Variants in PTPRR observed in about 807,000 individuals in gnomAD.
PTPRR encodes receptor-type tyrosine-protein phosphatase R.
Under a neutral mutation model 77.2 loss-of-function variants are expected in PTPRR, and 38 were observed. The observed-to-expected ratio is 0.49, with a 90% confidence interval of 0.38 to 0.65. The LOEUF (loss-of-function observed/expected upper bound fraction) is 0.65, where lower values mean the gene tolerates loss of function less well. PTPRR is among the 30% of genes least tolerant of loss of function. The pLI is 0.00. For synonymous variants in PTPRR, 299 were observed against 283.1 expected (o/e 1.06, Z -0.57); for missense variants, 744 against 799.2 (o/e 0.93, Z 0.83).
chr12:70,698,288 T>C lies in PTPRR; in HGVS notation c.1256A>G (p.Asn419Ser). Reference sequence around the variant, plus strand: ...ACTTGGTAAAATGGTCTTATAGCGATTTTTAGTTCCATGACGCGGAATATC... The same window carrying C: ...ACTTGGTAAAATGGTCTTATAGCGACTTTTAGTTCCATGACGCGGAATATC... ...EIDIPRHGTK[N>S]RYKTILPNPL... The change falls in exon 8 of 14, where the codon AAT becomes AGT. Residue 419 changes from asparagine (N) to serine (S), a missense_variant. Physicochemically the swap from Asn to Ser is conservative, Grantham distance 46 (BLOSUM62 1). This residue lies in a region of PTPRR where 570 missense variants were observed against 573.2 expected (regional missense o/e 0.99). Transcript: ENST00000283228. 1 of 1,612,988 alleles carries C rather than the reference T, an allele frequency of 6.2e-7. No homozygotes were observed. The highest frequency in any genetic ancestry group is 8.5e-7 in the Non-Finnish European group (1 of 1,179,308).
intron 13 of PTPRR, among the ~76,000 whole-genome samples, chr12:70,648,681 C>G (rs1298399796): frequency 1.3e-5 from 2 of 152,156 alleles, no homozygotes; most frequent in East Asian, 3.9e-4. Flanking sequence ...CACCAAGCTC[C>G]TTGACATCTA....
At chr12:70,811,417 A>G (rs1298940666) in intron 2 of PTPRR, among the ~76,000 whole-genome samples, 1 of 152,214 alleles carries the variant, frequency 6.6e-6, no homozygotes, top group Non-Finnish European at 1.5e-5. Context: ...TGCATTTTTA[A>G]GAATGCTTTG....
chr12:70,833,837 T>G lies in PTPRR; in HGVS notation c.357+58842A>C, dbSNP rs550531623. ...TATTGAATACATAAAGAACTTCAAG[T>G]TTTTCTGGGCTGCTCATTCCCTCCC... On this transcript the variant is annotated intron_variant, in intron 2 of 13. Coordinates refer to ENST00000283228, the MANE Select transcript of PTPRR (RefSeq NM_002849.4). Among the ~76,000 whole-genome samples, 37 of 152,192 alleles carry G rather than the reference T, an allele frequency of 2.4e-4. No individual in the cohort carries two copies. The South Asian group carries it at 7.5e-3, about 31-fold the overall frequency.
At chr12:70,727,692 C>T (rs1459244815) in intron 6 of PTPRR, among the ~76,000 whole-genome samples, 1 of 152,118 alleles carries the variant, frequency 6.6e-6, no homozygotes, top group Non-Finnish European at 1.5e-5. Context: ...CTAGCTACAT[C>T]ACTGCACCAA....
intron 12 of PTPRR, among the ~76,000 whole-genome samples, chr12:70,657,067 G>GA (rs1286269451): frequency 2.0e-5 from 3 of 151,892 alleles, no homozygotes; most frequent in Non-Finnish European, 1.5e-5. Context: ...AATTGTTCTA[G>GA]AAAAAATAAA....
chr12:70,662,969 T>C (rs777123420), intron 10 of PTPRR, among the ~76,000 whole-genome samples: 12 of 152,032 alleles, frequency 7.9e-5, no homozygotes, highest in Non-Finnish European at 1.3e-4. Context: ...GATCCAAATA[T>C]TAGAATTTAT....
chr12:70,698,113 A>C (rs1384118769), intron 8 of PTPRR, 152 bp downstream of exon 8: 3 of 484,698 alleles, frequency 6.2e-6, no homozygotes, highest in Non-Finnish European at 7.4e-6. Context: ...ACATGTGCAG[A>C]ATGTGCAGGT....
chr12:70,899,946 T>C (rs1266876977), intron 1 of PTPRR, among the ~76,000 whole-genome samples: 1 of 151,342 alleles, frequency 6.6e-6, no homozygotes, highest in Non-Finnish European at 1.5e-5. Flanking sequence ...AAAAATAAAA[T>C]ACTTAGGTAT....
intron 2 of PTPRR, among the ~76,000 whole-genome samples, chr12:70,834,117 G>A (rs1892262238): frequency 6.6e-6 from 1 of 152,274 alleles, no homozygotes; most frequent in South Asian, 2.1e-4. Flanking sequence ...CACCTTTGCT[G>A]TTATTATGGG....
Position 70,881,114 on chromosome 12 carries a change from G to C in PTPRR, c.357+11565C>G, listed in dbSNP as rs561298869. On this transcript the variant is annotated intron_variant, in intron 2 of 13. Coordinates refer to ENST00000283228, the MANE Select transcript of PTPRR (RefSeq NM_002849.4). The stretch of plus-strand genomic sequence containing the variant: ...AAATTTCCTATTTAAAAACAGACCA[G>C]CTTCAAAAAAAGAAACAGAAATGAA... 5.3e-5 allele frequency among the ~76,000 whole-genome samples: 8 copies of C among 152,092 alleles called. No homozygotes were observed. In the East Asian group the frequency reaches 1.5e-3, roughly 29 times the overall value.
intron 2 of PTPRR, among the ~76,000 whole-genome samples, chr12:70,848,523 C>T (rs1271184946): frequency 1.3e-5 from 2 of 152,108 alleles, no homozygotes; most frequent in African/African-American, 4.8e-5. Context: ...AGGGTTCTAC[C>T]ATCTTGGCCA....
intron 2 of PTPRR, among the ~76,000 whole-genome samples, chr12:70,867,704 A>G (rs1255108980): frequency 1.3e-5 from 2 of 152,150 alleles, no homozygotes; most frequent in Non-Finnish European, 2.9e-5. Context: ...TTCATATGGA[A>G]CCAAAAAAGA....
intron 8 of PTPRR, among the ~76,000 whole-genome samples, chr12:70,688,466 T>C (rs1887948361): frequency 6.6e-6 from 1 of 152,178 alleles, no homozygotes; most frequent in Admixed American, 6.5e-5. Flanking sequence ...TCTCAAATCA[T>C]CAGAGAAATG....
At position 70,684,221 on chromosome 12, in the gene PTPRR, G is replaced by C; in HGVS notation, c.1403C>G (p.Pro468Arg). 1 of 1,613,982 alleles carries C rather than the reference G, an allele frequency of 6.2e-7. No homozygotes were observed. The highest frequency in any genetic ancestry group is 8.5e-7 in the Non-Finnish European group (1 of 1,179,920). The stretch of plus-strand genomic sequence containing the variant: ...GAAATCATCCACGGTGTTGATCATG[G>C]GGCCCTGCGTGGCAATGAAGGCTTT... ...KEKAFIATQG[P>R]MINTVDDFWQ... is the part of the protein sequence containing the mutation. Residue 468 changes from proline (P) to arginine (R), a missense_variant, in exon 10 of 14, where the codon CCC (proline) becomes CGC (arginine). Coordinates refer to ENST00000283228, the MANE Select transcript of PTPRR (RefSeq NM_002849.4).
intron 12 of PTPRR, among the ~76,000 whole-genome samples, 166 bp downstream of exon 12, chr12:70,660,774 A>G (rs1886769512): frequency 6.6e-6 from 1 of 152,234 alleles, no homozygotes; most frequent in African/African-American, 2.4e-5. Context: ...CACTTCTGTC[A>G]GCATAATCTT....
intron 6 of PTPRR, among the ~76,000 whole-genome samples, chr12:70,715,789 T>C (rs939291558): frequency 6.6e-6 from 1 of 152,174 alleles, no homozygotes; most frequent in African/African-American, 2.4e-5. Flanking sequence ...TTCTTCAAGG[T>C]GCCCAGATTT....
rs1346392519 is a variant in PTPRR at position 70,764,665 on chromosome 12, A to G, written c.471T>C (p.Ile157=). The change falls in exon 3 of 14, where the codon ATT becomes ATC. Residue 157 remains isoleucine (I), a splice_region_variant and synonymous_variant. Transcript: ENST00000283228. ...LPQQVHINRL[I]GKKNSIELFV... ...GAAATGCGAAATGTGGGTATCTTAC[A>G]ATGAGGCGATTGATGTGCACTTGCT... The G allele has an allele frequency of 6.2e-7, 1 of 1,608,938 alleles. No individual in the cohort carries two copies.
chr12:70,774,187 C>G (rs995670644), intron 2 of PTPRR, among the ~76,000 whole-genome samples: 2 of 152,192 alleles, frequency 1.3e-5, no homozygotes, highest in Admixed American at 1.3e-4. Context: ...AATGAGTAAC[C>G]TCTGTCTCAC....
At chr12:70,866,274 C>T (rs545695625) in intron 2 of PTPRR, among the ~76,000 whole-genome samples, 7 of 152,128 alleles carry the variant, frequency 4.6e-5, no homozygotes, top group South Asian at 2.1e-4. Context: ...TCAACAAAAT[C>T]GATAGACCGC....
Sources: allele counts gnomAD v4.1 joint callset (sites outside exome capture counted in the v4.1 genomes callset), GRCh38; gene constraint gnomAD v4.1.1; regional missense constraint gnomAD v4.1.1; transcripts MANE v1.5; gene names NCBI Gene and HGNC (gene_info 2026-07-23, HGNC 2026-07-21).